The following ITPRID1 variants were observed in gnomAD, a reference collection of about 807,000 sequenced individuals.
The protein encoded by ITPRID1 is protein ITPRID1.
Under a neutral mutation model 95.4 loss-of-function variants are expected in ITPRID1, and 96 were observed. That is an observed-to-expected ratio of 1.01 (90% CI 0.85 to 1.19). The LOEUF (loss-of-function observed/expected upper bound fraction) is 1.19, where lower values mean the gene tolerates loss of function less well. Ranked by LOEUF, ITPRID1 falls within the 50% of genes most tolerant of loss-of-function variation. The probability of loss-of-function intolerance (pLI) is 0.00; values close to 1 mark genes in which losing one functional copy is unlikely to be tolerated. For synonymous variants in ITPRID1, 510 were observed against 453.6 expected (o/e 1.12, Z -1.58); for missense variants, 1,339 against 1,252.9 (o/e 1.07, Z -1.04).
chr7:31,600,217 A>T (rs1207573862), intron 10 of ITPRID1, among the ~76,000 whole-genome samples: 1 of 152,196 alleles, frequency 6.6e-6, no homozygotes, highest in African/African-American at 2.4e-5. Context: ...TTAAGAGTTC[A>T]TATAAGCTAA....
intron 10 of ITPRID1, among the ~76,000 whole-genome samples, chr7:31,616,789 T>C (rs940376823): frequency 6.6e-6 from 1 of 151,850 alleles, no homozygotes; most frequent in Admixed American, 6.6e-5. Flanking sequence ...GGTTTCTAAA[T>C]TTCATTTTTT....
At chr7:31,658,487 G>A (rs1471255382), downstream of ITPRID1, 4 of 1,126,760 alleles carry the variant, frequency 3.5e-6, no homozygotes, top group South Asian at 3.3e-5. Context: ...TATCAAAGTG[G>A]TGCCCCTTTG....
At chr7:31,595,121 G>C (rs1453448678) in intron 10 of ITPRID1, among the ~76,000 whole-genome samples, 3 of 146,694 alleles carry the variant, frequency 2.0e-5, no homozygotes, top group Non-Finnish European at 3.0e-5. Flanking sequence ...ACCCAGGCTG[G>C]AGTGCAACCG....
intron 10 of ITPRID1, among the ~76,000 whole-genome samples, chr7:31,624,818 C>A (rs1449362448): frequency 2.6e-5 from 4 of 152,084 alleles, no homozygotes. Context: ...AAGAAACTAC[C>A]ATCAGAGTGA....
At chr7:31,601,500 G>T (rs1786390791) in intron 10 of ITPRID1, among the ~76,000 whole-genome samples, 1 of 152,172 alleles carries the variant, frequency 6.6e-6, no homozygotes, top group Non-Finnish European at 1.5e-5. Flanking sequence ...CAAGTGCTCT[G>T]ACTTGCCTTG....
chr7:31,629,980 A>G (rs1788843365), intron 10 of ITPRID1, among the ~76,000 whole-genome samples: 2 of 152,192 alleles, frequency 1.3e-5, no homozygotes, highest in Non-Finnish European at 2.9e-5. Context: ...ATATTTTTAA[A>G]AGAGAAGAAA....
chr7:31,563,735 G>C (rs1784700938), intron 5 of ITPRID1, among the ~76,000 whole-genome samples: 1 of 152,092 alleles, frequency 6.6e-6, no homozygotes, highest in African/African-American at 2.4e-5. Flanking sequence ...ACTCAGGCTT[G>C]AGGTGACGAG....
At chr7:31,583,216 T>A in intron 10 of ITPRID1, 25 bp downstream of exon 10, 4 of 1,518,992 alleles carry the variant, frequency 2.6e-6, no homozygotes, top group Non-Finnish European at 3.6e-6. Context: ...AGGTGTGTGA[T>A]CTCATCAATG....
intron 10 of ITPRID1, among the ~76,000 whole-genome samples, chr7:31,636,973 A>G (rs1371348983): frequency 6.9e-6 from 1 of 145,096 alleles, no homozygotes; most frequent in Non-Finnish European, 1.5e-5. Context: ...CCTATGAGTG[A>G]GAACATGCGG....
intron 1 of ITPRID1, among the ~76,000 whole-genome samples, chr7:31,547,932 G>T (rs1784153777): frequency 6.6e-6 from 1 of 152,114 alleles, no homozygotes; most frequent in Non-Finnish European, 1.5e-5. Context: ...ATGAGAATTT[G>T]GGAATCATCA....
intron 10 of ITPRID1, among the ~76,000 whole-genome samples, chr7:31,637,872 CT>C (rs1206169169): frequency 1.3e-5 from 2 of 152,148 alleles, no homozygotes; most frequent in Non-Finnish European, 2.9e-5. Context: ...GGTTTTAGGT[CT>C]AACATGTAAG....
intron 10 of ITPRID1, among the ~76,000 whole-genome samples, chr7:31,628,451 TTTTTTTTTTC>T (rs751338156): frequency 1.1e-4 from 16 of 151,220 alleles, no homozygotes; most frequent in East Asian, 9.7e-4. Flanking sequence ...GTGATTCCTT[TTTTTTTTTTC>T]TTTTTTTTTC....
At chr7:31,633,560 G>C (rs1341332429) in intron 10 of ITPRID1, among the ~76,000 whole-genome samples, 3 of 152,176 alleles carry the variant, frequency 2.0e-5, no homozygotes, top group Non-Finnish European at 4.4e-5. Flanking sequence ...ACTGCTCTCT[G>C]GTCTGAACAA....
intron 1 of ITPRID1, among the ~76,000 whole-genome samples, chr7:31,523,004 CT>C (rs1253719476): frequency 6.6e-6 from 1 of 152,150 alleles, no homozygotes; most frequent in Non-Finnish European, 1.5e-5. Context: ...TCTTCAGTTT[CT>C]TCATCTGTGC....
chr7:31,535,539 T>C (rs1783731171), intron 1 of ITPRID1, among the ~76,000 whole-genome samples: 1 of 152,010 alleles, frequency 6.6e-6, no homozygotes, highest in African/African-American at 2.4e-5. Flanking sequence ...AGAAATAACT[T>C]TGAAGGTTTT....
chr7:31,521,973 A>G (rs1197420924), intron 1 of ITPRID1, among the ~76,000 whole-genome samples: 2 of 103,054 alleles, frequency 1.9e-5, no homozygotes. Flanking sequence ...TTTTCTTTTT[A>G]TAAGGATAGG....
intron 9 of ITPRID1, among the ~76,000 whole-genome samples, chr7:31,581,954 TTTC>T (rs1431255613): frequency 1.3e-5 from 2 of 152,208 alleles, no homozygotes; most frequent in African/African-American, 4.8e-5. Context: ...AAATTAAATA[TTTC>T]TTCTTGTTAT....
chr7:31,571,313 C>T (rs1784979725), intron 6 of ITPRID1, among the ~76,000 whole-genome samples: 1 of 152,158 alleles, frequency 6.6e-6, no homozygotes, highest in Non-Finnish European at 1.5e-5. Flanking sequence ...GGCGTGGCCA[C>T]CATGCCTGGC....
intron 10 of ITPRID1, among the ~76,000 whole-genome samples, chr7:31,625,636 G>T (rs552640986): frequency 8.6e-5 from 13 of 152,016 alleles, no homozygotes; most frequent in Non-Finnish European, 1.8e-4. Context: ...GTGGGAGGAG[G>T]GGGGAGGGAT....
Sources: gnomAD v4.1 joint callset for allele counts (sites outside exome capture counted in the v4.1 genomes callset) on GRCh38, gnomAD v4.1.1 for gene constraint, MANE v1.5 for transcripts, NCBI Gene and HGNC (gene_info 2026-07-23, HGNC 2026-07-21) for gene names.